Variants in FNDC3B observed in about 807,000 individuals in gnomAD.
FNDC3B encodes fibronectin type III domain-containing protein 3B.
In FNDC3B, 12 loss-of-function variants were observed where a neutral mutation model predicts 151.5. That is an observed-to-expected ratio of 0.08 (90% CI 0.05 to 0.13). The LOEUF (loss-of-function observed/expected upper bound fraction) is 0.13, where lower values mean the gene tolerates loss of function less well. Among genes scored for constraint, FNDC3B ranks in the 10% least tolerant of loss-of-function variants. The pLI, the probability that FNDC3B is intolerant of heterozygous loss-of-function variation, is 1.00. For synonymous variants in FNDC3B, 528 were observed against 549.0 expected (o/e 0.96, Z 0.54); for missense variants, 1,214 against 1,505.3 (o/e 0.81, Z 3.20).
At chr3:172,188,637 C>G (rs1441185917) in intron 3 of FNDC3B, among the ~76,000 whole-genome samples, 2 of 151,498 alleles carry the variant, frequency 1.3e-5, no homozygotes, top group African/African-American at 4.9e-5. Flanking sequence ...GGTTTCTTGA[C>G]CTCGTGATCC....
At chr3:172,288,833 G>A (rs1383332913) in intron 7 of FNDC3B, among the ~76,000 whole-genome samples, 1 of 152,174 alleles carries the variant, frequency 6.6e-6, no homozygotes, top group Non-Finnish European at 1.5e-5. Flanking sequence ...GTGGTGGTTG[G>A]TGCTAACCAC....
At chr3:172,072,790 C>T (rs1717840809) in intron 1 of FNDC3B, among the ~76,000 whole-genome samples, 1 of 152,134 alleles carries the variant, frequency 6.6e-6, no homozygotes, top group Non-Finnish European at 1.5e-5. Flanking sequence ...TGACAGAGCT[C>T]CCATCTATGA....
chr3:172,048,266 G>A (rs1250700997), intron 1 of FNDC3B, among the ~76,000 whole-genome samples: 3 of 152,030 alleles, frequency 2.0e-5, no homozygotes, highest in Non-Finnish European at 4.4e-5. Context: ...TTTTCTCTTA[G>A]TATTTTAAAG....
chr3:172,333,453 C>T (rs1048049708), intron 14 of FNDC3B, among the ~76,000 whole-genome samples: 1 of 150,254 alleles, frequency 6.7e-6, no homozygotes, highest in Non-Finnish European at 1.5e-5. Context: ...TCCCGAGTAG[C>T]TGGGACTATA....
chr3:172,070,377 C>T (rs1241403894), intron 1 of FNDC3B, among the ~76,000 whole-genome samples: 2 of 152,118 alleles, frequency 1.3e-5, no homozygotes, highest in East Asian at 1.9e-4. Context: ...TGGCTATTTC[C>T]GGAGTGTGTT....
intron 1 of FNDC3B, among the ~76,000 whole-genome samples, chr3:172,075,351 T>C (rs1188565760): frequency 1.3e-5 from 2 of 152,212 alleles, no homozygotes; most frequent in Non-Finnish European, 2.9e-5. Context: ...TGGTTCTGCC[T>C]CTGCCCGCCA....
intron 1 of FNDC3B, among the ~76,000 whole-genome samples, chr3:172,096,757 A>G (rs911265523): frequency 1.3e-5 from 2 of 152,236 alleles, no homozygotes; most frequent in Non-Finnish European, 2.9e-5. Context: ...ATTATGAACA[A>G]TTAAACTTTC....
intron 6 of FNDC3B, among the ~76,000 whole-genome samples, chr3:172,279,853 T>G (rs1455432575): frequency 6.6e-6 from 1 of 152,224 alleles, no homozygotes; most frequent in Non-Finnish European, 1.5e-5. Flanking sequence ...AAATTGAAGA[T>G]GGCCAATATT....
chr3:172,248,053 T>A (rs1213927133), intron 5 of FNDC3B, among the ~76,000 whole-genome samples: 1 of 152,208 alleles, frequency 6.6e-6, no homozygotes, highest in Non-Finnish European at 1.5e-5. Context: ...CCTTTTATTT[T>A]AGAAAAGTGG....
chr3:172,173,105 A>AG (rs1723363018), intron 3 of FNDC3B, among the ~76,000 whole-genome samples: 1 of 152,162 alleles, frequency 6.6e-6, no homozygotes, highest in Non-Finnish European at 1.5e-5. Flanking sequence ...CAGAAGTCAG[A>AG]GGAAAAAAAA....
chr3:172,058,890 A>G (rs1366453238), intron 1 of FNDC3B, among the ~76,000 whole-genome samples: 1 of 152,228 alleles, frequency 6.6e-6, no homozygotes, highest in African/African-American at 2.4e-5. Flanking sequence ...TATTGGAAAA[A>G]CAAGGAGTTT....
At chr3:172,348,118 T>C (rs1291317527) in intron 21 of FNDC3B, among the ~76,000 whole-genome samples, 1 of 152,238 alleles carries the variant, frequency 6.6e-6, no homozygotes, top group Non-Finnish European at 1.5e-5. Flanking sequence ...GGAAGAGAGA[T>C]ACAAAGATTA....
intron 1 of FNDC3B, among the ~76,000 whole-genome samples, chr3:172,059,162 A>G (rs1433629395): frequency 2.6e-5 from 4 of 152,206 alleles, no homozygotes; most frequent in African/African-American, 7.2e-5. Context: ...TACTAGTGTA[A>G]CTTATATGTG....
At chr3:172,284,145 G>A (rs1478052813) in intron 6 of FNDC3B, among the ~76,000 whole-genome samples, 1 of 152,132 alleles carries the variant, frequency 6.6e-6, no homozygotes, top group Non-Finnish European at 1.5e-5. Context: ...GCACATGTAG[G>A]GCCTGTGCTG....
intron 3 of FNDC3B, among the ~76,000 whole-genome samples, chr3:172,154,757 G>T (rs902186537): frequency 6.6e-6 from 1 of 152,214 alleles, no homozygotes; most frequent in Non-Finnish European, 1.5e-5. Context: ...ACCTTTGGTA[G>T]GGTCACGGTG....
intron 3 of FNDC3B, among the ~76,000 whole-genome samples, chr3:172,135,233 T>C (rs1480984625): frequency 6.6e-6 from 1 of 152,094 alleles, no homozygotes; most frequent in African/African-American, 2.4e-5. Flanking sequence ...AGTTTACTTT[T>C]TGGTGTCTAA....
intron 6 of FNDC3B, among the ~76,000 whole-genome samples, chr3:172,263,185 T>A (rs78647497): frequency 1.4e-3 from 216 of 151,838 alleles, no homozygotes; most frequent in African/African-American, 4.7e-3. Flanking sequence ...CATGAGGAAG[T>A]GAGTGGGAAG....
intron 3 of FNDC3B, among the ~76,000 whole-genome samples, chr3:172,204,701 T>C (rs1725333835): frequency 6.6e-6 from 1 of 152,248 alleles, no homozygotes; most frequent in South Asian, 2.1e-4. Context: ...GTTGTCAGTT[T>C]AGTCACTTTC....
rs918560939 is a variant in FNDC3B at position 172,112,729 on chromosome 3, A to C, written c.111+139A>C. On this transcript the variant is annotated intron_variant, in intron 2 of 25. Transcript: ENST00000415807. The stretch of plus-strand genomic sequence containing the variant: ...AGAGGTAAGTGTTTTTGTTGTAGAA[A>C]TACTGTATCGTTTTTTAAAATGTGA... The C allele has an allele frequency of 3.8e-5, 25 of 663,572 alleles. No individual in the cohort carries two copies. In the Admixed American group the frequency reaches 5.6e-4, roughly 15 times the overall value. The allele number at this position is 663,572 out of a possible 1,614,324, so 41.1% of individuals were successfully genotyped here.
Sources: gnomAD v4.1 joint callset for allele counts (sites outside exome capture counted in the v4.1 genomes callset) on GRCh38, gnomAD v4.1.1 for gene constraint, MANE v1.5 for transcripts, NCBI Gene and HGNC (gene_info 2026-07-23, HGNC 2026-07-21) for gene names.